COL4A4: variants seen among roughly 807,000 people sequenced by gnomAD.
COL4A4 encodes the protein collagen type IV alpha 4 chain, also known as collagen alpha-4(IV) chain.
COL4A4 carries 105 observed loss-of-function variants against 192.9 expected under a neutral mutation model. The ratio of observed to expected loss-of-function variants is 0.54; its 90% CI spans 0.46 to 0.64. The LOEUF (loss-of-function observed/expected upper bound fraction) is 0.64, where lower values mean the gene tolerates loss of function less well. Among genes scored for constraint, COL4A4 ranks in the 30% least tolerant of loss-of-function variants. COL4A4 has a pLI of 0.00. For missense variants in COL4A4, 1,967 were observed against 2,169.3 expected (o/e 0.91, Z 1.85); for synonymous variants, 762 against 769.9 (o/e 0.99, Z 0.17).
chr2:227,091,490 AAG>A (rs1332802387), intron 20 of COL4A4, among the ~76,000 whole-genome samples: 1 of 152,000 alleles, frequency 6.6e-6, no homozygotes, highest in Non-Finnish European at 1.5e-5. Flanking sequence ...AAAGAGAAAA[AAG>A]AGGGGAAAAA....
chr2:227,099,492 T>G (rs1438735855), intron 18 of COL4A4, 128 bp downstream of exon 18: 1 of 790,746 alleles, frequency 1.3e-6, no homozygotes, highest in Non-Finnish European at 2.2e-6. Flanking sequence ...TATACACTCA[T>G]GCTACAGTTC....
intron 35 of COL4A4, among the ~76,000 whole-genome samples, chr2:227,045,853 TATATATATACAC>T (rs1164333434): frequency 2.3e-5 from 2 of 85,826 alleles, no homozygotes; most frequent in Non-Finnish European, 4.3e-5. Flanking sequence ...TATATACACA[TATATATATACAC>T]ATATATATAC....
At chr2:227,070,271 G>A (rs2150387119) in intron 25 of COL4A4, among the ~76,000 whole-genome samples, 1 of 151,862 alleles carries the variant, frequency 6.6e-6, no homozygotes, top group South Asian at 2.1e-4. Context: ...ACTGTTGGTG[G>A]GACTGTAAAC....
chr2:227,114,642 C>T lies in COL4A4; in HGVS notation c.544G>A (p.Val182Ile), dbSNP rs377231912. The change falls in exon 8 of 48, where the codon GTT becomes ATT. Residue 182 changes from valine to isoleucine, a missense_variant. Coordinates refer to ENST00000396625, the MANE Select transcript of COL4A4 (RefSeq NM_000092.5). Reference sequence around the variant, plus strand: ...ATAATACTTACCTGAATACCTTTAACGGCACCTAAAATGAACACTGAATTT... The same window carrying T: ...ATAATACTTACCTGAATACCTTTAATGGCACCTAAAATGAACACTGAATTT... ...KGNSVFILGA[V>I]KGIQGDRGDP... 79 of 1,613,954 alleles carry T rather than the reference C, an allele frequency of 4.9e-5. No individual in the cohort carries two copies. The highest frequency in any genetic ancestry group is 5.8e-5 in the Non-Finnish European group (68 of 1,179,878).
chr2:227,141,945 GA>G (rs1431215642), intron 3 of COL4A4, among the ~76,000 whole-genome samples: 3 of 151,544 alleles, frequency 2.0e-5, no homozygotes, highest in African/African-American at 7.3e-5. Flanking sequence ...ACAACTAGAG[GA>G]AAAAAAATAA....
chr2:227,122,145 A>G (rs117245708), intron 4 of COL4A4, among the ~76,000 whole-genome samples: 1 of 152,172 alleles, frequency 6.6e-6, no homozygotes, highest in Non-Finnish European at 1.5e-5. Context: ...CTCAGAACCC[A>G]TGTCTCAGGG....
chr2:227,030,590 C>T lies in COL4A4; in HGVS notation c.3826G>A (p.Gly1276Arg). The change falls in exon 41 of 48, where the codon GGG becomes AGG. Residue 1276 changes from glycine to arginine, a missense_variant. Coordinates refer to ENST00000396625, the MANE Select transcript of COL4A4 (RefSeq NM_000092.5). ...ACACTCCCAGGGAGGCCTGGAGGCC[C>T]AGGTGCTCCTGACCACAGAGAAGAG... is the stretch of plus-strand genomic sequence containing the variant. ...PGPDGPRGAP[G>R]PPGLPGSVDL... 6.2e-7 allele frequency: 1 copy of T among 1,604,918 alleles called. No individual in the cohort carries two copies. Among genetic ancestry groups the T allele is most frequent in the South Asian group, 1.1e-5 (1 of 90,152 alleles).
rs374988200 is a variant in COL4A4, at chr2:227,032,138, T to C, written c.3706+10A>G. 3.7e-6 allele frequency: 6 copies of C among 1,614,182 alleles called. No homozygotes were observed. The highest frequency in any genetic ancestry group is 5.1e-6 in the Non-Finnish European group (6 of 1,180,022). The stretch of plus-strand genomic sequence containing the variant: ...TTATTGAAAGAAGGGCAAAGCATGC[T>C]ACAGCTTACCTGGGGGTCCTGGGGG... On this transcript the variant is annotated intron_variant, in intron 39 of 47. Coordinates refer to ENST00000396625, the MANE Select transcript of COL4A4 (RefSeq NM_000092.5).
At chr2:227,128,001 T>C (rs2062188763) in intron 4 of COL4A4, among the ~76,000 whole-genome samples, 1 of 152,194 alleles carries the variant, frequency 6.6e-6, no homozygotes, top group South Asian at 2.1e-4. Flanking sequence ...AAGGAATGTA[T>C]TTATTAGGCT....
intron 25 of COL4A4, among the ~76,000 whole-genome samples, chr2:227,072,043 T>C (rs2058751886): frequency 6.6e-6 from 1 of 150,928 alleles, no homozygotes; most frequent in African/African-American, 2.4e-5. Context: ...ATAACAAAGA[T>C]CAGACTGAAC....
chr2:227,111,585 C>A (rs2061211532), intron 9 of COL4A4, 93 bp downstream of exon 9: 1 of 1,399,760 alleles, frequency 7.1e-7, no homozygotes, highest in East Asian at 2.3e-5. Flanking sequence ...GTGAGCCGCA[C>A]AAATTATGTA....
intron 20 of COL4A4, 86 bp downstream of exon 20, chr2:227,094,038 AT>A: frequency 4.6e-6 from 6 of 1,311,372 alleles, no homozygotes; most frequent in Non-Finnish European, 6.4e-6. Context: ...AACTTTTAAA[AT>A]ATTTTAAAAA....
At chr2:227,085,890 C>T (rs901283634) in intron 22 of COL4A4, among the ~76,000 whole-genome samples, 9 of 152,186 alleles carry the variant, frequency 5.9e-5, no homozygotes, top group South Asian at 2.1e-4. Context: ...ACCTTTGGTT[C>T]GCTCTGCAGC....
intron 40 of COL4A4, 102 bp from the exon 41 acceptor site, chr2:227,030,700 G>A (rs1397117660): frequency 2.3e-6 from 2 of 851,088 alleles, no homozygotes; most frequent in Non-Finnish European, 1.8e-6. Context: ...TGACTTGCAA[G>A]CAAGGAATAA....
chr2:227,037,801 C>G (rs935927052), intron 37 of COL4A4, among the ~76,000 whole-genome samples: 1 of 152,130 alleles, frequency 6.6e-6, no homozygotes, highest in Non-Finnish European at 1.5e-5. Context: ...GAGATGGTAT[C>G]TCATTGTGGT....
Position 227,033,501 on chromosome 2 carries a change from T to C in COL4A4, c.3506-20A>G. ...AGGGACCTGAAAAACACCACAGGCC[T>C]GTGACCCAAAGGAAGACCAGCCACC... is the stretch of plus-strand genomic sequence containing the variant. On this transcript the variant is annotated intron_variant, in intron 37 of 47. Coordinates refer to ENST00000396625, the MANE Select transcript of COL4A4 (RefSeq NM_000092.5). 2 of 1,609,468 alleles carry C rather than the reference T, an allele frequency of 1.2e-6. No homozygotes were observed. Among genetic ancestry groups the C allele is most frequent in the Non-Finnish European group, 1.7e-6 (2 of 1,178,040 alleles).
chr2:227,013,512 G>A (rs1201880616), intron 44 of COL4A4, among the ~76,000 whole-genome samples: 2 of 152,154 alleles, frequency 1.3e-5, no homozygotes, highest in African/African-American at 4.8e-5. Context: ...CGGACCCCAG[G>A]GATGCATGTC....
chr2:227,032,296 T>G lies in COL4A4; in HGVS notation c.3578-20A>C, dbSNP rs1478867160. On this transcript the variant is annotated intron_variant, in intron 38 of 47. Coordinates refer to ENST00000396625, the MANE Select transcript of COL4A4 (RefSeq NM_000092.5). Reference sequence around the variant, plus strand: ...GCAAACCTTAATGGGGAAAACAGAATTAATACTATATCTTCTCTTTTCTTG... The same window carrying G: ...GCAAACCTTAATGGGGAAAACAGAAGTAATACTATATCTTCTCTTTTCTTG... 1.2e-6 allele frequency: 2 copies of G among 1,606,952 alleles called. No homozygotes were observed. Among genetic ancestry groups the G allele is most frequent in the African/African-American group, 1.3e-5 (1 of 74,768 alleles).
At chr2:227,144,251 C>T (rs1232029397) in intron 3 of COL4A4, among the ~76,000 whole-genome samples, 1 of 152,140 alleles carries the variant, frequency 6.6e-6, no homozygotes, top group African/African-American at 2.4e-5. Context: ...GGCCCAGCTG[C>T]CTCTTGCCTG....
Sources: allele counts gnomAD v4.1 joint callset (sites outside exome capture counted in the v4.1 genomes callset), GRCh38; gene constraint gnomAD v4.1.1; transcripts MANE v1.5; gene names NCBI Gene and HGNC (gene_info 2026-07-23, HGNC 2026-07-21).